Variants in XPA observed in about 807,000 individuals in gnomAD.
XPA encodes the protein XPA, DNA damage recognition and repair factor.
A neutral mutation model predicts 35.7 loss-of-function variants in XPA; 27 were observed. The ratio of observed to expected loss-of-function variants is 0.76; its 90% CI spans 0.56 to 1.04. The LOEUF (loss-of-function observed/expected upper bound fraction) is 1.04. XPA is among the 50% of genes least tolerant of loss of function. The pLI is 0.00. For synonymous variants in XPA, 133 were observed against 118.4 expected, an observed-to-expected ratio of 1.12 and a Z score of -0.80; for missense variants, 354 against 342.7, an observed-to-expected ratio of 1.03 and a Z score of -0.26.
the XPA span, chr9:97,669,514 G>T: frequency 1.1e-6 from 1 of 913,326 alleles, no homozygotes. Flanking sequence ...CAATACTTTG[G>T]GGTTTCTTTG....
chr9:97,670,972 T>C (rs1295625827), downstream of XPA: 8 of 596,240 alleles, frequency 1.3e-5, no homozygotes, highest in Non-Finnish European at 1.2e-5. Flanking sequence ...CACTTTTTTT[T>C]CCCCTTCCTC....
At chr9:97,674,684 A>C (rs1298122494), downstream of XPA, among the ~76,000 whole-genome samples, 1 of 152,236 alleles carries the variant, frequency 6.6e-6, no homozygotes, top group Non-Finnish European at 1.5e-5. Context: ...GCCTGGGACT[A>C]AATGAACATA....
chr9:97,669,738 CT>C, the XPA span: 1 of 1,376,200 alleles, frequency 7.3e-7, no homozygotes, highest in Non-Finnish European at 1.0e-6. Flanking sequence ...GGTAATAACA[CT>C]ATTCTCAGCC....
At chr9:97,687,648 A>C (rs1449201576) in intron 3 of XPA, among the ~76,000 whole-genome samples, 2 of 152,224 alleles carry the variant, frequency 1.3e-5, no homozygotes, top group Non-Finnish European at 2.9e-5. Flanking sequence ...AATGGTGAAG[A>C]CAATGGTTAG....
At chr9:97,678,797 G>A (rs1015506799) in intron 5 of XPA, among the ~76,000 whole-genome samples, 2 of 152,106 alleles carry the variant, frequency 1.3e-5, no homozygotes, top group Non-Finnish European at 2.9e-5. Context: ...TATGAGGCCC[G>A]GAGAAAAGCA....
chr9:97,670,720 G>T (rs571252680), downstream of XPA, among the ~76,000 whole-genome samples: 1 of 152,234 alleles, frequency 6.6e-6, no homozygotes, highest in South Asian at 2.1e-4. Context: ...AGTCCGTCTG[G>T]CTGCTTTTTA....
At position 97,675,385 on chromosome 9, in the gene XPA, A is replaced by G. The variant is rs557709427; in HGVS notation, c.*54T>C. ...TTGAATTTTGAAAAGGACCAATCTA[A>G]ATTTCCTTTATTTAAATATAAAATT... On this transcript the variant is annotated 3_prime_UTR_variant, in exon 6 of 6. Coordinates refer to ENST00000375128, the MANE Select transcript of XPA (RefSeq NM_000380.4). The G allele has an allele frequency of 9.8e-6, 15 of 1,538,136 alleles. No individual in the cohort carries two copies. The East Asian group carries it at 3.4e-4, about 35-fold the overall frequency.
the XPA span, chr9:97,666,936 G>T: frequency 8.3e-7 from 1 of 1,200,542 alleles, no homozygotes; most frequent in Non-Finnish European, 1.2e-6. Flanking sequence ...CTCTGGAGAG[G>T]ATTCAGAGTT....
At chr9:97,663,697 C>T in the XPA span, among the ~76,000 whole-genome samples, 1 of 151,748 alleles carries the variant, frequency 6.6e-6, no homozygotes, top group Non-Finnish European at 1.5e-5. Flanking sequence ...GTTGGCCAGG[C>T]TGGTCTGGAA....
the XPA span, among the ~76,000 whole-genome samples, chr9:97,669,133 CAG>C: frequency 6.6e-6 from 1 of 151,992 alleles, no homozygotes; most frequent in East Asian, 1.9e-4. Flanking sequence ...GTTCACTACT[CAG>C]AGGCAACCAT....
chr9:97,671,064 A>T, downstream of XPA: 5 of 1,503,100 alleles, frequency 3.3e-6, no homozygotes, highest in Non-Finnish European at 3.7e-6. Context: ...TGACCTAACT[A>T]CCCCCTTTTG....
At chr9:97,660,847 G>T in the XPA span, 2 of 1,379,298 alleles carry the variant, frequency 1.5e-6, no homozygotes, top group Non-Finnish European at 1.9e-6. Context: ...ATTTTGAAAG[G>T]AAGAATTTAA....
At chr9:97,677,402 G>C (rs1010665961) in intron 5 of XPA, among the ~76,000 whole-genome samples, 1 of 152,102 alleles carries the variant, frequency 6.6e-6, no homozygotes, top group African/African-American at 2.4e-5. Context: ...GAAAGTATTC[G>C]GGGCCAGGTG....
intron 2 of XPA, among the ~76,000 whole-genome samples, chr9:97,691,396 G>C (rs1293251063): frequency 6.6e-6 from 1 of 152,082 alleles, no homozygotes; most frequent in African/African-American, 2.4e-5. Context: ...GTTTCTCCCA[G>C]CAAGTCTTTA....
rs553043532 is a variant in XPA at position 97,697,278 on chromosome 9, G to T, written c.15C>A (p.Asp5Glu). The T allele has an allele frequency of 1.1e-5, 17 of 1,598,438 alleles. No homozygotes were observed. Among genetic ancestry groups the T allele is most frequent in the Non-Finnish European group, 1.4e-5 (17 of 1,179,204 alleles). Residue 5 changes from aspartate (D) to glutamate (E), a missense_variant, in exon 1 of 6, where the codon GAC becomes GAA. Coordinates refer to ENST00000375128, the MANE Select transcript of XPA (RefSeq NM_000380.4). MAAA[D>E]GALPEAAALE... is the part of the protein sequence containing the mutation. ...AAGCCGCCGCCTCCGGCAAAGCCCC[G>T]TCGGCCGCCGCCATCTCTGGCCCAC...
the XPA span, among the ~76,000 whole-genome samples, chr9:97,664,858 TGGAG>T: frequency 6.6e-6 from 1 of 152,272 alleles, no homozygotes; most frequent in East Asian, 1.9e-4. Flanking sequence ...GAGTAAATCA[TGGAG>T]GGATCCAGGA....
the XPA span, chr9:97,661,145 G>T: frequency 9.6e-6 from 15 of 1,567,118 alleles, no homozygotes; most frequent in Non-Finnish European, 1.2e-5. Context: ...CTGGCAACAT[G>T]ATGCTCTTAA....
intron 5 of XPA, among the ~76,000 whole-genome samples, chr9:97,680,476 T>C (rs1828505322): frequency 6.6e-6 from 1 of 152,102 alleles, no homozygotes. Context: ...CCTGAAGTGT[T>C]GGGATTACAG....
chr9:97,686,951 GTCA>G, intron 4 of XPA, 142 bp downstream of exon 4: 1 of 741,306 alleles, frequency 1.3e-6, no homozygotes, highest in Non-Finnish European at 2.2e-6. Flanking sequence ...GTTATTAAAT[GTCA>G]TTATACATGA....
Sources: allele counts gnomAD v4.1 joint callset (sites outside exome capture counted in the v4.1 genomes callset), GRCh38; gene constraint gnomAD v4.1.1; transcripts MANE v1.5; gene names NCBI Gene and HGNC (gene_info 2026-07-23, HGNC 2026-07-21).